Variants in C2orf42 observed in about 807,000 individuals in gnomAD.
C2orf42 encodes the protein uncharacterized protein C2orf42.
A neutral mutation model predicts 58.9 loss-of-function variants in C2orf42; 44 were observed. That is an observed-to-expected ratio of 0.75 (90% CI 0.59 to 0.96). The LOEUF (loss-of-function observed/expected upper bound fraction) is 0.96, where lower values mean the gene tolerates loss of function less well. C2orf42 is among the 40% of genes least tolerant of loss of function. The probability of loss-of-function intolerance (pLI) is 0.00; values close to 1 mark genes in which losing one functional copy is unlikely to be tolerated. For missense variants in C2orf42, 630 were observed against 699.2 expected, an observed-to-expected ratio of 0.90 and a Z score of 1.12; for synonymous variants, 239 against 265.4, an observed-to-expected ratio of 0.90 and a Z score of 0.97.
rs544259479 is a variant in C2orf42 at position 70,183,560 on chromosome 2, G to A, written c.-281-625C>T. Among the ~76,000 whole-genome samples, 285 of 151,382 alleles carry A rather than the reference G, an allele frequency of 1.9e-3. 1 individual carries two copies. Among genetic ancestry groups the A allele is most frequent in the Non-Finnish European group, 2.9e-3 (198 of 67,858 alleles). ...TTCTCCTGCCTCAGCCTCCTTAGTA[G>A]CTGGGACTACGGGCACATGCCACCA... On this transcript the variant is annotated intron_variant, in intron 1 of 9. Transcript: ENST00000264434.
intron 6 of C2orf42, among the ~76,000 whole-genome samples, chr2:70,168,721 T>A (rs1482985786): frequency 1.3e-5 from 1 of 79,652 alleles, no homozygotes; most frequent in Admixed American, 9.7e-5. Context: ...TTTATGTCCC[T>A]TTTTTTTTTT....
intron 8 of C2orf42, among the ~76,000 whole-genome samples, chr2:70,162,947 A>C (rs975684053): frequency 1.3e-5 from 2 of 151,918 alleles, no homozygotes; most frequent in Admixed American, 6.6e-5. Context: ...AGCTCACTGC[A>C]ACCTCCGCCT....
intron 8 of C2orf42, 141 bp from the exon 9 acceptor site, chr2:70,160,928 A>G: frequency 1.7e-6 from 1 of 592,944 alleles, no homozygotes. Flanking sequence ...CTGTTTTTCA[A>G]GAAAATCCTG....
intron 8 of C2orf42, 100 bp downstream of exon 8, chr2:70,164,992 G>T: frequency 1.8e-6 from 1 of 540,826 alleles, no homozygotes; most frequent in Non-Finnish European, 3.3e-6. Flanking sequence ...AAGAAACTCT[G>T]GTGTCTGTAA....
intron 1 of C2orf42, among the ~76,000 whole-genome samples, chr2:70,189,489 G>A (rs1360301209): frequency 2.0e-5 from 3 of 150,980 alleles, no homozygotes; most frequent in African/African-American, 4.9e-5. Flanking sequence ...AGGCCGAGGC[G>A]GGCAGATCAC....
chr2:70,169,031 T>C (rs1290850105), intron 6 of C2orf42, among the ~76,000 whole-genome samples: 1 of 152,016 alleles, frequency 6.6e-6, no homozygotes, highest in Non-Finnish European at 1.5e-5. Context: ...TTAGTAATTC[T>C]ATATAACTAT....
At chr2:70,179,917 C>A (rs189103322) in intron 3 of C2orf42, among the ~76,000 whole-genome samples, 14 of 151,380 alleles carry the variant, frequency 9.2e-5, no homozygotes, top group Non-Finnish European at 1.8e-4. Context: ...CCAGCCTGGG[C>A]GACAGAGGCA....
intron 5 of C2orf42, among the ~76,000 whole-genome samples, chr2:70,170,456 C>T (rs1168831750): frequency 6.6e-6 from 1 of 151,918 alleles, no homozygotes; most frequent in Non-Finnish European, 1.5e-5. Flanking sequence ...CCGTGTTTCC[C>T]AGGCTGGTCT....
intron 9 of C2orf42, among the ~76,000 whole-genome samples, chr2:70,158,594 C>A (rs1672851034): frequency 2.0e-5 from 3 of 152,014 alleles, no homozygotes; most frequent in Non-Finnish European, 2.9e-5. Flanking sequence ...TGACTACAGG[C>A]ACACACCACC....
chr2:70,161,827 T>C (rs1572981805), intron 8 of C2orf42, among the ~76,000 whole-genome samples: 1 of 121,500 alleles, frequency 8.2e-6, no homozygotes, highest in African/African-American at 3.3e-5. Flanking sequence ...GCCACAAGAG[T>C]GAAAGTCCGT....
At chr2:70,188,510 G>C (rs1675108289) in intron 1 of C2orf42, among the ~76,000 whole-genome samples, 1 of 152,076 alleles carries the variant, frequency 6.6e-6, no homozygotes, top group Non-Finnish European at 1.5e-5. Flanking sequence ...TTTTAAAAAA[G>C]AATAAATCTT....
intron 1 of C2orf42, among the ~76,000 whole-genome samples, chr2:70,187,650 G>A (rs1227408700): frequency 2.6e-5 from 4 of 152,026 alleles, no homozygotes; most frequent in East Asian, 3.9e-4. Context: ...TTTCAATTTT[G>A]CAATAATTTT....
At chr2:70,165,426 C>T (rs1673332665) in intron 7 of C2orf42, 102 bp downstream of exon 7, 1 of 726,060 alleles carries the variant, frequency 1.4e-6, no homozygotes. Flanking sequence ...AGTAGAAGTC[C>T]TAACTCTGAA....
chr2:70,172,138 C>T (rs1389333465), intron 5 of C2orf42, among the ~76,000 whole-genome samples: 1 of 150,676 alleles, frequency 6.6e-6, no homozygotes, highest in African/African-American at 2.4e-5. Flanking sequence ...GCAGGAGAAT[C>T]GCTTGAGCCC....
At chr2:70,172,124 T>C (rs1673861183) in intron 5 of C2orf42, among the ~76,000 whole-genome samples, 1 of 150,116 alleles carries the variant, frequency 6.7e-6, no homozygotes, top group Admixed American at 6.7e-5. Flanking sequence ...CTCGGGAGGC[T>C]GAGGCAGGAG....
chr2:70,150,534 G>A lies in C2orf42; in HGVS notation c.1547C>T (p.Thr516Ile), dbSNP rs759478655. Residue 516 changes from threonine to isoleucine, a missense_variant, in exon 10 of 10, where the codon ACA becomes ATA. Physicochemically the swap from Thr to Ile is moderately conservative, Grantham distance 89. Transcript: ENST00000264434. ...TGGGATCCACTCGATGATGAAAGGT[G>A]TTGGCTCCTTTTGATCTGGGGAAGT... is the stretch of plus-strand genomic sequence containing the variant. ...GNTSPDQKEPTPFIIEWIPDI... is the reference protein window; with the variant it reads ...GNTSPDQKEPIPFIIEWIPDI... 3.7e-6 allele frequency: 6 copies of A among 1,613,912 alleles called. No homozygotes were observed. The highest frequency in any genetic ancestry group is 5.1e-6 in the Non-Finnish European group (6 of 1,179,808).
chr2:70,175,862 TAA>T, intron 4 of C2orf42, 85 bp from the exon 5 acceptor site: 1 of 857,568 alleles, frequency 1.2e-6, no homozygotes, highest in South Asian at 1.4e-5. Flanking sequence ...CTAAAACATA[TAA>T]ACAGTCTTTG....
At chr2:70,179,797 T>TA (rs1674432381) in intron 3 of C2orf42, among the ~76,000 whole-genome samples, 155 bp from the exon 4 acceptor site, 1 of 151,852 alleles carries the variant, frequency 6.6e-6, no homozygotes, top group South Asian at 2.1e-4. Context: ...CTACAAAAAA[T>TA]AAAAAATTAC....
chr2:70,186,130 T>C (rs569291072), intron 1 of C2orf42, among the ~76,000 whole-genome samples: 1 of 152,216 alleles, frequency 6.6e-6, no homozygotes, highest in South Asian at 2.1e-4. Context: ...TGAACTTCTT[T>C]AGTAGGTATT....
Sources: allele counts gnomAD v4.1 joint callset (sites outside exome capture counted in the v4.1 genomes callset), GRCh38; gene constraint gnomAD v4.1.1; transcripts MANE v1.5; gene names NCBI Gene and HGNC (gene_info 2026-07-23, HGNC 2026-07-21).